Variants in AHNAK2 observed in about 807,000 individuals in gnomAD.
The protein encoded by AHNAK2 is AHNAK nucleoprotein 2, also known as protein AHNAK2.
A neutral mutation model predicts 30.7 loss-of-function variants in AHNAK2; 18 were observed. That is an observed-to-expected ratio of 0.59 (90% CI 0.41 to 0.87). AHNAK2 has a LOEUF of 0.87. Ranked by LOEUF, AHNAK2 falls within the 40% of genes least tolerant of loss-of-function variation. The pLI is 0.00. For missense variants in AHNAK2, 8,604 were observed against 7,373.0 expected, an observed-to-expected ratio of 1.17 and a Z score of -6.11; for synonymous variants, 3,590 against 3,073.8, an observed-to-expected ratio of 1.17 and a Z score of -5.56.
chr14:104,946,896 A>G lies in AHNAK2; in HGVS notation c.8555T>C (p.Met2852Thr), dbSNP rs746665888. The G allele has an allele frequency of 6.2e-7, 1 of 1,612,442 alleles. No individual in the cohort carries two copies. The highest frequency in any genetic ancestry group is 8.5e-7 in the Non-Finnish European group (1 of 1,179,654). Residue 2852 changes from methionine to threonine, a missense_variant, in exon 7 of 7, where the codon ATG (methionine) becomes ACG (threonine). Met to Thr is a moderately conservative substitution (Grantham distance 81). Coordinates refer to ENST00000333244, the MANE Select transcript of AHNAK2 (RefSeq NM_138420.4). ...GTCAGTGGTCTTAAGATCCCCTTGC[A>G]TGGAGGGGAAGCTCCCGTCAGCTTC... ...KVEADGSFPSMQGDLKTTDIR... is the reference protein window; with the variant it reads ...KVEADGSFPSTQGDLKTTDIR...
chr14:104,972,412 C>G (rs879257786), intron 1 of AHNAK2, among the ~76,000 whole-genome samples: 2 of 152,054 alleles, frequency 1.3e-5, no homozygotes, highest in Admixed American at 6.5e-5. Flanking sequence ...GAGTCAGCGC[C>G]GTACCCAGAG....
chr14:104,955,031 G>C lies in AHNAK2; in HGVS notation c.577C>G (p.Gln193Glu). ...TCTTCATCCTGTGGGGCAGGGAGCT[G>C]CCGTCTGATTTTGAACTGAACCTTG... ...PYKVQFKIRRQLPAPQDEEWA... is the reference protein window; with the variant it reads ...PYKVQFKIRRELPAPQDEEWA... Residue 193 changes from glutamine to glutamate, a missense_variant, in exon 6 of 7, where the codon CAG becomes GAG. Physicochemically the swap from Gln to Glu is conservative, Grantham distance 29. Coordinates refer to ENST00000333244, the MANE Select transcript of AHNAK2 (RefSeq NM_138420.4). 6.2e-7 allele frequency: 1 copy of C among 1,613,732 alleles called. No individual in the cohort carries two copies. The highest frequency in any genetic ancestry group is 8.5e-7 in the Non-Finnish European group (1 of 1,179,888).
chr14:104,956,520 C>T (rs1595425007), intron 4 of AHNAK2, 68 bp downstream of exon 4: 97 of 1,536,438 alleles, frequency 6.3e-5, no homozygotes, highest in Non-Finnish European at 8.5e-5. Flanking sequence ...GCTCTGACCT[C>T]GGACTCTCTG....
At position 104,947,604 on chromosome 14, in the gene AHNAK2, A is replaced by G; in HGVS notation, c.7847T>C (p.Val2616Ala). 1 of 1,612,478 alleles carries G rather than the reference A, an allele frequency of 6.2e-7. No individual in the cohort carries two copies. Among genetic ancestry groups the G allele is most frequent in the Non-Finnish European group, 8.5e-7 (1 of 1,179,532 alleles). ...CTTTGCTCTCGGGGCCTGGACGTCC[A>G]CCTCCATGCTGGACAGAGACATCTC... ...DVEMSLSSME[V>A]DVQAPRAKLD... is the part of the protein sequence containing the mutation. Residue 2616 changes from valine to alanine, a missense_variant, in exon 7 of 7, where the codon GTG becomes GCG. Coordinates refer to ENST00000333244, the MANE Select transcript of AHNAK2 (RefSeq NM_138420.4).
chr14:104,957,360 G>A (rs1899005496), intron 3 of AHNAK2, 50 bp downstream of exon 3: 8 of 1,498,246 alleles, frequency 5.3e-6, no homozygotes, highest in African/African-American at 2.8e-5. Flanking sequence ...CACACAGGGC[G>A]ATGCAGGAGG....
In AHNAK2 at chr14:104,943,425, C is replaced by T. The variant is rs771577340; in HGVS notation, c.12026G>A (p.Gly4009Glu). Reference sequence around the variant, plus strand: ...GCTGAGGTCAGTGGCCTTGAGGTCCCCCTGCATGGAAGGGAGGCTCACGTC... The same window carrying T: ...GCTGAGGTCAGTGGCCTTGAGGTCCTCCTGCATGGAAGGGAGGCTCACGTC... ...EADVSLPSMQ[G>E]DLKATDLSVQ... is the part of the protein sequence containing the mutation. The change falls in exon 7 of 7, where the codon GGG becomes GAG. Residue 4009 changes from glycine to glutamate, a missense_variant. Coordinates refer to ENST00000333244, the MANE Select transcript of AHNAK2 (RefSeq NM_138420.4). The T allele has an allele frequency of 3.7e-5, 59 of 1,613,184 alleles. 1 individual carries two copies. The highest frequency in any genetic ancestry group is 4.6e-5 in the Non-Finnish European group (54 of 1,179,646).
intron 1 of AHNAK2, among the ~76,000 whole-genome samples, chr14:104,963,647 G>A (rs1015532349): frequency 2.6e-5 from 4 of 152,006 alleles, no homozygotes; most frequent in Non-Finnish European, 4.4e-5. Flanking sequence ...TGGCTAACAC[G>A]GTGAAACCCT....
rs185395675 is a variant in AHNAK2, at chr14:104,950,924, G to C, written c.4527C>G (p.Gly1509=). The C allele has an allele frequency of 3.5e-4, 548 of 1,551,014 alleles. 43 individuals are homozygous for C. In the African/African-American group the frequency reaches 4.0e-3, roughly 11 times the overall value. ...KMPSFGVSAP[G]KSIEASVDVS... is the part of the protein sequence containing the mutation. ...CATCCACTGAGGCCTCGATGGACTT[G>C]CCTGGGGCAGACACCCCGAACGACG... The change falls in exon 7 of 7, where the codon GGC becomes GGG. Residue 1509 remains glycine (G), a synonymous_variant. Transcript: ENST00000333244.
chr14:104,946,551 G>A lies in AHNAK2; in HGVS notation c.8900C>T (p.Ala2967Val). 3 of 1,612,542 alleles carry A rather than the reference G, an allele frequency of 1.9e-6. No individual in the cohort carries two copies. The highest frequency in any genetic ancestry group is 2.5e-6 in the Non-Finnish European group (3 of 1,179,594). Residue 2967 changes from alanine (A) to valine (V), a missense_variant, in exon 7 of 7, where the codon GCC (alanine) becomes GTC (valine). Ala to Val is a moderately conservative substitution (Grantham distance 64). Transcript: ENST00000333244. ...GARLEGDLSL[A>V]DKDVTAKDSK... ...GTCTTTGGCAGTCACATCCTTGTCG[G>A]CCAGGGACAGGTCACCCTCCAGCCG...
chr14:104,977,702 G>C (rs1300074353), intron 1 of AHNAK2, among the ~76,000 whole-genome samples: 4 of 152,208 alleles, frequency 2.6e-5, no homozygotes, highest in Non-Finnish European at 5.9e-5. Context: ...CGCAAAGCAG[G>C]TGAGAGGGCA....
Position 104,948,925 on chromosome 14 carries a change from C to A in AHNAK2, c.6526G>T (p.Val2176Leu), listed in dbSNP as rs201956284. 6.3e-7 allele frequency: 1 copy of A among 1,587,486 alleles called. No homozygotes were observed. Among genetic ancestry groups the A allele is most frequent in the Non-Finnish European group, 8.6e-7 (1 of 1,163,202 alleles). Residue 2176 changes from valine (V) to leucine (L), a missense_variant, in exon 7 of 7, where the codon GTG (valine) becomes TTG (leucine). Transcript: ENST00000333244. ...SAPGKSIEAS[V>L]DVSPPKVEAD... The stretch of plus-strand genomic sequence containing the variant: ...TCCACCTTGGGTGGAGACACATCCA[C>A]CGAGGCCTCGATGGACTTGCCTGGG...
At position 104,938,145 on chromosome 14, in the gene AHNAK2, C is replaced by T. The variant is rs1396988863; in HGVS notation, c.17306G>A (p.Arg5769Lys). Reference sequence around the variant, plus strand: ...CTGCTCGGGCAGGATTAACTCTGTTCTTGCCGCGGATGTCACCATCACTCT... The same window carrying T: ...CTGCTCGGGCAGGATTAACTCTGTTTTTGCCGCGGATGTCACCATCACTCT... Reference protein sequence around the residue: ...DSRVMVTSAARTELILPEQDR... With the variant: ...DSRVMVTSAAKTELILPEQDR... Residue 5769 changes from arginine (R) to lysine (K), a missense_variant, in exon 7 of 7, where the codon AGA (arginine) becomes AAA (lysine). Physicochemically the swap from Arg to Lys is conservative, Grantham distance 26. Coordinates refer to ENST00000333244, the MANE Select transcript of AHNAK2 (RefSeq NM_138420.4). 1.2e-5 allele frequency: 19 copies of T among 1,613,990 alleles called. No homozygotes were observed. The highest frequency in any genetic ancestry group is 1.5e-5 in the Non-Finnish European group (18 of 1,179,904).
At position 104,959,275 on chromosome 14, in the gene AHNAK2, T is replaced by A. The variant is rs542274711; in HGVS notation, c.56-1603A>T. On this transcript the variant is annotated intron_variant, in intron 1 of 6. Transcript: ENST00000333244. ...GCAACCTCCGCCTCCCAGGTTCAAG[T>A]GATTCTTCTGCCTCAGCCTCCCGAG... 2.0e-5 allele frequency among the ~76,000 whole-genome samples: 3 copies of A among 152,278 alleles called. No homozygotes were observed. The South Asian group carries it at 6.2e-4, about 32-fold the overall frequency.
chr14:104,947,854 T>C lies in AHNAK2; in HGVS notation c.7597A>G (p.Ile2533Val), dbSNP rs767938976. Residue 2533 changes from isoleucine to valine, a missense_variant, in exon 7 of 7, where the codon ATT becomes GTT. Physicochemically the swap from Ile to Val is conservative, Grantham distance 29. Coordinates refer to ENST00000333244, the MANE Select transcript of AHNAK2 (RefSeq NM_138420.4). ...QGDLKATDLS[I>V]QPPSADLEVQ... The stretch of plus-strand genomic sequence containing the variant: ...TCCAGGTCAGCGGAAGGGGGCTGAA[T>C]GCTGAGGTCAGTGGCCTTGAGGTCC... 130 of 1,610,920 alleles carry C rather than the reference T, an allele frequency of 8.1e-5. No homozygotes were observed. Among genetic ancestry groups the C allele is most frequent in the African/African-American group, 6.8e-4 (50 of 74,032 alleles).
At position 104,948,184 on chromosome 14, in the gene AHNAK2, C is replaced by G. The variant is rs548651664; in HGVS notation, c.7267G>C (p.Val2423Leu). The change falls in exon 7 of 7, where the codon GTC (valine) becomes CTC (leucine). Residue 2423 changes from valine to leucine, a missense_variant. By Grantham distance (32) the Val-to-Leu change is conservative. Coordinates refer to ENST00000333244, the MANE Select transcript of AHNAK2 (RefSeq NM_138420.4). ...KVDLKGPQID[V>L]KGPKLDLKGP... ...TTCAGGTCCAGCTTGGGGCCCTTGA[C>G]ATCTATCTGGGGGCCCTTGAGATCT... The G allele has an allele frequency of 1.4e-5, 22 of 1,609,726 alleles. 1 individual carries two copies. In the South Asian group the frequency reaches 2.4e-4, roughly 18 times the overall value.
chr14:104,976,721 G>A (rs1020759904), intron 1 of AHNAK2, among the ~76,000 whole-genome samples: 11 of 152,230 alleles, frequency 7.2e-5, no homozygotes, highest in African/African-American at 2.4e-4. Flanking sequence ...GGAGGCAGGG[G>A]GTGGATGAGA....
Position 104,945,430 on chromosome 14 carries a change from C to T in AHNAK2, c.10021G>A (p.Asp3341Asn), listed in dbSNP as rs199571253. Residue 3341 changes from aspartate to asparagine, a missense_variant, in exon 7 of 7, where the codon GAC (aspartate) becomes AAC (asparagine). Asp to Asn is a conservative substitution (Grantham distance 23). Transcript: ENST00000333244. ...VDVSAPKAEA[D>N]VSLPSMQGDL... ...CCCTGCATGGAGGGGAGGCTCACGT[C>T]GGCCTCCGCCTTCGGCGCAGACACA... 4.8e-5 allele frequency: 77 copies of T among 1,613,288 alleles called. No individual in the cohort carries two copies. The highest frequency in any genetic ancestry group is 1.6e-4 in the Middle Eastern group (1 of 6,076).
At position 104,938,671 on chromosome 14, in the gene AHNAK2, G is replaced by A; in HGVS notation, c.16780C>T (p.Pro5594Ser). 1 of 1,612,526 alleles carries A rather than the reference G, an allele frequency of 6.2e-7. No individual in the cohort carries two copies. Among genetic ancestry groups the A allele is most frequent in the Non-Finnish European group, 8.5e-7 (1 of 1,179,248 alleles). ...LGQQTLTFEV[P>S]SGHQLADSCS... ...CTGTCTGCAAGCTGGTGGCCAGAAGGAACTTCAAATGTGAGTGTTTGCTGT... is the reference window on the plus strand; with the variant it reads ...CTGTCTGCAAGCTGGTGGCCAGAAGAAACTTCAAATGTGAGTGTTTGCTGT... Residue 5594 changes from proline (P) to serine (S), a missense_variant, in exon 7 of 7, where the codon CCT (proline) becomes TCT (serine). Pro to Ser is a moderately conservative substitution (Grantham distance 74). Coordinates refer to ENST00000333244, the MANE Select transcript of AHNAK2 (RefSeq NM_138420.4).
chr14:104,938,359 G>A lies in AHNAK2; in HGVS notation c.17092C>T (p.Arg5698Ter), dbSNP rs773494893. ...GAGGAGAACCCTAATTTGGGAAATC[G>A]GAACCAGCCTGCCTTCTCCTGTTTT... ...PKKQEKAGWF[R>*]FPKLGFSSSP... Residue 5698 changes from arginine (R) to a stop codon, truncating the protein, a stop_gained, in exon 7 of 7, where the codon CGA (arginine) becomes TGA (stop). Coordinates refer to ENST00000333244, the MANE Select transcript of AHNAK2 (RefSeq NM_138420.4). LOFTEE classifies it low-confidence loss of function (END_TRUNC). 2.5e-5 allele frequency: 41 copies of A among 1,613,806 alleles called. No homozygotes were observed. In the African/African-American group the frequency reaches 2.8e-4, roughly 11 times the overall value.
Sources: gnomAD v4.1 joint callset for allele counts (sites outside exome capture counted in the v4.1 genomes callset) on GRCh38, gnomAD v4.1.1 for gene constraint, MANE v1.5 for transcripts, NCBI Gene and HGNC (gene_info 2026-07-23, HGNC 2026-07-21) for gene names.